The following ZMYM2 variants were observed in gnomAD, a reference collection of about 807,000 sequenced individuals.
The protein encoded by ZMYM2 is zinc finger MYM-type containing 2.
In ZMYM2, 56 loss-of-function variants were observed where a neutral mutation model predicts 162.8. That is an observed-to-expected ratio of 0.34 (90% CI 0.28 to 0.43). ZMYM2 has a LOEUF of 0.43. Among genes scored for constraint, ZMYM2 ranks in the 20% least tolerant of loss-of-function variants. ZMYM2 has a pLI of 1.00. For synonymous variants in ZMYM2, 510 were observed against 541.6 expected (o/e 0.94, Z 0.81); for missense variants, 1,275 against 1,621.8 (o/e 0.79, Z 3.67).
At chr13:19,978,612 T>G (rs552422065) in intron 2 of ZMYM2, among the ~76,000 whole-genome samples, 2 of 152,014 alleles carry the variant, frequency 1.3e-5, no homozygotes, top group Non-Finnish European at 2.9e-5. Context: ...ACGGGGTTTC[T>G]TCATGTTGGT....
chr13:20,030,574 A>T (rs1388833295), intron 9 of ZMYM2, among the ~76,000 whole-genome samples: 1 of 151,834 alleles, frequency 6.6e-6, no homozygotes. Context: ...AATTTTTTGT[A>T]TTTTTAGTAG....
chr13:19,870,521 CTCTCTT>C, the ZMYM2 span, among the ~76,000 whole-genome samples: 1 of 47,242 alleles, frequency 2.1e-5, no homozygotes, highest in Non-Finnish European at 6.1e-5. Context: ...CTCCCTCTTT[CTCTCTT>C]TCTTTCTTTC....
rs1950745083 is a variant in ZMYM2 at position 20,006,302 on chromosome 13, T to C, written c.1300-72T>C. ...CTTATTAGGACATCTTTATTTCTGT[T>C]CAGAATGCTTTATTATTTAGCTACT... On this transcript the variant is annotated intron_variant, in intron 5 of 24. Coordinates refer to ENST00000610343, the MANE Select transcript of ZMYM2 (RefSeq NM_197968.4). The C allele has an allele frequency of 4.9e-6, 7 of 1,431,702 alleles. No individual in the cohort carries two copies. The Admixed American group carries it at 1.7e-4, about 34-fold the overall frequency. 88.7% of individuals were successfully genotyped at this position (1,431,702 alleles called of 1,614,324 possible). A position where few individuals can be genotyped will look rare whatever the true frequency, so the allele number is the denominator to read the frequency against.
intron 12 of ZMYM2, among the ~76,000 whole-genome samples, chr13:20,046,802 G>T (rs1466873909): frequency 6.6e-6 from 1 of 151,408 alleles, no homozygotes; most frequent in African/African-American, 2.4e-5. Context: ...TGTAGATGTC[G>T]TGTGTTCCAC....
intron 2 of ZMYM2, among the ~76,000 whole-genome samples, chr13:19,976,289 C>T (rs1329976944): frequency 6.6e-6 from 1 of 150,426 alleles, no homozygotes; most frequent in Non-Finnish European, 1.5e-5. Flanking sequence ...GATCATGCCA[C>T]TGCACTCCAG....
chr13:19,864,465 G>T, the ZMYM2 span: 1 of 154,830 alleles, frequency 6.5e-6, no homozygotes, highest in Non-Finnish European at 1.5e-5. Context: ...CTGCGTCCGC[G>T]GGGCAGTACT....
Position 20,085,830 on chromosome 13 carries a change from A to G in ZMYM2, c.3950A>G (p.Asn1317Ser). Reference sequence around the variant, plus strand: ...TCCTCCCGCCTCCAAAGTCCACAGAATCTTAATCAGAGGATGGATGTTTTT... The same window carrying G: ...TCCTCCCGCCTCCAAAGTCCACAGAGTCTTAATCAGAGGATGGATGTTTTT... Reference protein sequence around the residue: ...FECYLSKSPQNLNQRMDVFYL... With the variant: ...FECYLSKSPQSLNQRMDVFYL... Residue 1317 changes from asparagine to serine, a missense_variant, in exon 25 of 25, where the codon AAT (asparagine) becomes AGT (serine). Asn to Ser is a conservative substitution (Grantham distance 46). Around this residue, in one of 10 missense-constraint regions of ZMYM2, gnomAD observed 69 missense variants for 78.4 expected, o/e 0.88. Coordinates refer to ENST00000610343, the MANE Select transcript of ZMYM2 (RefSeq NM_197968.4). The G allele has an allele frequency of 1.2e-6, 2 of 1,605,270 alleles. No homozygotes were observed. The highest frequency in any genetic ancestry group is 1.7e-6 in the Non-Finnish European group (2 of 1,176,114).
chr13:19,954,817 T>G (rs1263530874), upstream of ZMYM2, among the ~76,000 whole-genome samples: 1 of 152,066 alleles, frequency 6.6e-6, no homozygotes, highest in Non-Finnish European at 1.5e-5. Context: ...ATTGTTGTTT[T>G]TTTTTTCTTT....
chr13:19,928,418 G>C, the ZMYM2 span, among the ~76,000 whole-genome samples: 1 of 151,782 alleles, frequency 6.6e-6, no homozygotes, highest in African/African-American at 2.4e-5. Context: ...GAGTCTTTTC[G>C]CTAAGTGCAA....
chr13:19,919,750 T>A, the ZMYM2 span, among the ~76,000 whole-genome samples: 2 of 151,664 alleles, frequency 1.3e-5, no homozygotes, highest in Non-Finnish European at 2.9e-5. Flanking sequence ...CGATCTCAGC[T>A]CACTGCAACC....
intron 10 of ZMYM2, 94 bp from the exon 11 acceptor site, chr13:20,034,160 A>G: frequency 8.8e-7 from 1 of 1,132,898 alleles, no homozygotes; most frequent in Non-Finnish European, 1.2e-6. Context: ...AACATTAAAT[A>G]GGTAAATGAT....
chr13:19,869,998 A>G, the ZMYM2 span, among the ~76,000 whole-genome samples: 1,833 of 152,218 alleles, frequency 0.012, 37 homozygotes, highest in African/African-American at 0.04. Flanking sequence ...GCCCTGACTC[A>G]GGGTCTCTCA....
chr13:20,050,333 C>G (rs939707827), intron 12 of ZMYM2, among the ~76,000 whole-genome samples: 1 of 151,846 alleles, frequency 6.6e-6, no homozygotes, highest in African/African-American at 2.4e-5. Context: ...TTTGACATGG[C>G]ATTTGTAGAA....
the ZMYM2 span, among the ~76,000 whole-genome samples, chr13:19,891,922 T>A: frequency 1.3e-5 from 2 of 151,948 alleles, no homozygotes; most frequent in Non-Finnish European, 2.9e-5. Context: ...TCTCATATCC[T>A]ATTGAATCAC....
the ZMYM2 span, among the ~76,000 whole-genome samples, chr13:19,903,103 C>A: frequency 2.1e-3 from 315 of 152,228 alleles, 1 homozygote; most frequent in African/African-American, 7.3e-3. Flanking sequence ...TTGCAGTGAG[C>A]TGAGATGGTG....
the ZMYM2 span, among the ~76,000 whole-genome samples, chr13:19,900,298 C>T: frequency 1.3e-5 from 2 of 152,030 alleles, no homozygotes; most frequent in African/African-American, 4.8e-5. Flanking sequence ...GTGAGACTGT[C>T]TCAAAAACAA....
At chr13:20,000,527 T>C (rs1950316157) in intron 3 of ZMYM2, among the ~76,000 whole-genome samples, 1 of 152,210 alleles carries the variant, frequency 6.6e-6, no homozygotes, top group Non-Finnish European at 1.5e-5. Context: ...TGTAGGGTCC[T>C]TAAGAATGAT....
At chr13:19,925,973 T>C in the ZMYM2 span, among the ~76,000 whole-genome samples, 1 of 152,000 alleles carries the variant, frequency 6.6e-6, no homozygotes, top group Non-Finnish European at 1.5e-5. Context: ...TTATCTTTTT[T>C]TTTTTGAGAC....
intron 12 of ZMYM2, among the ~76,000 whole-genome samples, chr13:20,040,858 T>C (rs934869694): frequency 5.9e-5 from 9 of 152,216 alleles, no homozygotes; most frequent in African/African-American, 1.9e-4. Context: ...ATCTCATTAT[T>C]TACCCAAAAG....
Sources: allele counts gnomAD v4.1 joint callset (sites outside exome capture counted in the v4.1 genomes callset), GRCh38; gene constraint gnomAD v4.1.1; regional missense constraint gnomAD v4.1.1; transcripts MANE v1.5; gene names NCBI Gene and HGNC (gene_info 2026-07-23, HGNC 2026-07-21).